Variants in SHLD1 observed in about 807,000 individuals in gnomAD.
SHLD1 encodes RINN1-REV7-interacting novel NHEJ regulator 3.
A neutral mutation model predicts 5.5 loss-of-function variants in SHLD1; 3 were observed. The observed-to-expected ratio is 0.54, with a 90% CI of 0.25 to 1.40. SHLD1 has a LOEUF of 1.40. Among genes scored for constraint, SHLD1 ranks in the 40% most tolerant of loss-of-function variants. The pLI is 0.15. For synonymous variants in SHLD1, 92 were observed against 94.3 expected (o/e 0.98, Z 0.14); for missense variants, 210 against 244.4 (o/e 0.86, Z 0.94).
At chr20:5,785,984 G>C (rs2087054562) in intron 2 of SHLD1, among the ~76,000 whole-genome samples, 1 of 152,046 alleles carries the variant, frequency 6.6e-6, no homozygotes, top group Non-Finnish European at 1.5e-5. Flanking sequence ...CCATCTTCCT[G>C]TTGTGGAAGA....
At chr20:5,764,853 A>G (rs987921788) in intron 1 of SHLD1, among the ~76,000 whole-genome samples, 1 of 152,140 alleles carries the variant, frequency 6.6e-6, no homozygotes, top group African/African-American at 2.4e-5. Context: ...TTTGGAGGGA[A>G]GTGGCTGAAT....
At chr20:5,842,433 G>C (rs1040121942) in intron 2 of SHLD1, among the ~76,000 whole-genome samples, 1 of 152,162 alleles carries the variant, frequency 6.6e-6, no homozygotes, top group African/African-American at 2.4e-5. Flanking sequence ...TTGCCTGCAC[G>C]TCCCTAAGTT....
intron 2 of SHLD1, among the ~76,000 whole-genome samples, chr20:5,830,580 C>G (rs1016808122): frequency 6.6e-6 from 1 of 151,622 alleles, no homozygotes; most frequent in African/African-American, 2.4e-5. Flanking sequence ...CTCAGCTACT[C>G]AGGAGGCTGA....
chr20:5,790,628 A>G (rs1287775639), intron 2 of SHLD1, among the ~76,000 whole-genome samples: 1 of 151,498 alleles, frequency 6.6e-6, no homozygotes, highest in Non-Finnish European at 1.5e-5. Flanking sequence ...ATTTTTTTGT[A>G]TTTTTAGTAG....
intron 2 of SHLD1, among the ~76,000 whole-genome samples, chr20:5,778,114 C>CTTTTTTTTT (rs776358532): frequency 1.3e-4 from 15 of 111,928 alleles, no homozygotes; most frequent in East Asian, 2.6e-4. Flanking sequence ...ATCCCTTTTT[C>CTTTTTTTTT]TTTTTTTTTT....
intron 1 of SHLD1, among the ~76,000 whole-genome samples, chr20:5,757,389 A>AT (rs1326696465): frequency 6.6e-6 from 1 of 150,960 alleles, no homozygotes; most frequent in African/African-American, 2.4e-5. Context: ...TTTATTTTTT[A>AT]TTTTTTTACT....
intron 2 of SHLD1, among the ~76,000 whole-genome samples, chr20:5,777,242 G>T (rs989777291): frequency 6.6e-6 from 1 of 152,068 alleles, no homozygotes; most frequent in Non-Finnish European, 1.5e-5. Flanking sequence ...ACCTGCCTCA[G>T]CCTCCCAAAG....
intron 1 of SHLD1, among the ~76,000 whole-genome samples, chr20:5,759,487 C>T (rs933824438): frequency 6.6e-6 from 1 of 151,904 alleles, no homozygotes; most frequent in Admixed American, 6.6e-5. Context: ...TCTCGAACTT[C>T]TGGCCCCAAG....
In SHLD1 at chr20:5,806,290, C is replaced by T. The variant is rs891472697; in HGVS notation, c.178+33247C>T. Among the ~76,000 whole-genome samples, 6 of 152,238 alleles carry T rather than the reference C, an allele frequency of 3.9e-5. No individual in the cohort carries two copies. Among genetic ancestry groups the T allele is most frequent in the African/African-American group, 1.4e-4 (6 of 41,470 alleles). On this transcript the variant is annotated intron_variant, in intron 2 of 2. Coordinates refer to ENST00000303142, the MANE Select transcript of SHLD1 (RefSeq NM_152504.4). The surrounding 1 kb of genome is among the most constrained non-coding windows in gnomAD (Gnocchi z 7.6). ...CCACCCACAAACTTTAAAACTGTTG[C>T]TTACGCATCATGCTATTGGTCCACA...
chr20:5,861,270 C>T (rs979327181), intron 2 of SHLD1, among the ~76,000 whole-genome samples: 2 of 152,248 alleles, frequency 1.3e-5, no homozygotes, highest in African/African-American at 4.8e-5. Context: ...TGCATGTTTC[C>T]ACAGAGTCCA....
intron 2 of SHLD1, among the ~76,000 whole-genome samples, chr20:5,805,809 C>T (rs1200651591): frequency 2.0e-5 from 3 of 152,076 alleles, no homozygotes; most frequent in Admixed American, 6.6e-5. Flanking sequence ...CCATTTTGGC[C>T]AGGCTGGTCT....
rs2088187621 is a variant in SHLD1 at position 5,863,269 on chromosome 20, C to T, written c.424C>T (p.Leu142Phe). Residue 142 changes from leucine to phenylalanine, a missense_variant, in exon 3 of 3, where the codon CTC becomes TTC. Leu to Phe is a conservative substitution (Grantham distance 22, BLOSUM62 0). Coordinates refer to ENST00000303142, the MANE Select transcript of SHLD1 (RefSeq NM_152504.4). Reference protein sequence around the residue: ...LRGQESQKYALRSFQMARVIF... With the variant: ...LRGQESQKYAFRSFQMARVIF... Reference sequence around the variant, plus strand: ...AGGCCAGGAGAGCCAAAAGTATGCCCTCCGCAGTTTTCAAATGGCCCGGGT... The same window carrying T: ...AGGCCAGGAGAGCCAAAAGTATGCCTTCCGCAGTTTTCAAATGGCCCGGGT... The T allele has an allele frequency of 6.2e-7, 1 of 1,614,060 alleles. No individual in the cohort carries two copies. The highest frequency in any genetic ancestry group is 8.5e-7 in the Non-Finnish European group (1 of 1,180,046).
At chr20:5,838,132 A>C (rs879549652) in intron 2 of SHLD1, among the ~76,000 whole-genome samples, 5 of 152,222 alleles carry the variant, frequency 3.3e-5, no homozygotes, top group Non-Finnish European at 7.3e-5. Flanking sequence ...GCATATTTAG[A>C]GAATGGGGCA....
intron 2 of SHLD1, among the ~76,000 whole-genome samples, chr20:5,860,850 T>G (rs528160375): frequency 8.3e-6 from 1 of 120,402 alleles, no homozygotes; most frequent in South Asian, 2.8e-4. Flanking sequence ...CATAGCAAGG[T>G]CAAGGAAAGT....
chr20:5,780,493 C>T lies in SHLD1; in HGVS notation c.178+7450C>T, dbSNP rs78769721. Among the ~76,000 whole-genome samples, 5 of 152,244 alleles carry T rather than the reference C, an allele frequency of 3.3e-5. No individual in the cohort carries two copies. The East Asian group carries it at 9.7e-4, about 29-fold the overall frequency. On this transcript the variant is annotated intron_variant, in intron 2 of 2. Transcript: ENST00000303142. Reference sequence around the variant, plus strand: ...GCCTTCTCAGTGAGTAGCAAGGTCCCAGCTTCCAGGTTGGAGTCAGTGTCA... The same window carrying T: ...GCCTTCTCAGTGAGTAGCAAGGTCCTAGCTTCCAGGTTGGAGTCAGTGTCA...
At chr20:5,824,869 G>A (rs2087648356) in intron 2 of SHLD1, among the ~76,000 whole-genome samples, 1 of 152,052 alleles carries the variant, frequency 6.6e-6, no homozygotes, top group Admixed American at 6.6e-5. Context: ...ATGAATTCTT[G>A]TGACTTCTGT....
chr20:5,839,017 A>G (rs1019684715), intron 2 of SHLD1, among the ~76,000 whole-genome samples: 1 of 152,202 alleles, frequency 6.6e-6, no homozygotes, highest in Non-Finnish European at 1.5e-5. Context: ...CTCCTACACC[A>G]TGGAGATAGA....
At chr20:5,789,208 CTT>C (rs10545298) in intron 2 of SHLD1, among the ~76,000 whole-genome samples, 81,461 of 141,784 alleles carry the variant, frequency 0.57, 22,887 homozygotes, top group East Asian at 0.74. Context: ...AAAAGTTGTG[CTT>C]TTTTTTTTTT....
chr20:5,759,827 C>T (rs965941906), intron 1 of SHLD1, among the ~76,000 whole-genome samples: 25 of 152,086 alleles, frequency 1.6e-4, no homozygotes, highest in African/African-American at 6.0e-4. Flanking sequence ...AGGCATTAGC[C>T]ACTGTGCCCA....
Sources: allele counts gnomAD v4.1 joint callset (sites outside exome capture counted in the v4.1 genomes callset), GRCh38; gene constraint gnomAD v4.1.1; non-coding constraint Gnocchi (gnomAD v3.1); transcripts MANE v1.5; gene names NCBI Gene and HGNC (gene_info 2026-07-23, HGNC 2026-07-21).